Variants in KIF16B observed in about 807,000 individuals in gnomAD.
KIF16B encodes the protein kinesin-like protein KIF16B.
Under a neutral mutation model 156.3 loss-of-function variants are expected in KIF16B, and 98 were observed. The ratio of observed to expected loss-of-function variants is 0.63; its 90% CI spans 0.53 to 0.74. The LOEUF (loss-of-function observed/expected upper bound fraction) is 0.74, where lower values mean the gene tolerates loss of function less well. Ranked by LOEUF, KIF16B falls within the 30% of genes least tolerant of loss-of-function variation. The pLI is 0.00. For missense variants in KIF16B, 1,421 were observed against 1,606.5 expected (o/e 0.88, Z 1.97); for synonymous variants, 564 against 583.7 (o/e 0.97, Z 0.49).
intron 12 of KIF16B, among the ~76,000 whole-genome samples, chr20:16,485,243 T>C (rs2068082989): frequency 1.3e-5 from 2 of 152,118 alleles, no homozygotes; most frequent in Non-Finnish European, 2.9e-5. Context: ...CTCCAGGGCA[T>C]GAGTGAAGGC....
intron 15 of KIF16B, among the ~76,000 whole-genome samples, chr20:16,411,573 ATAAG>A (rs2065956439): frequency 6.6e-6 from 1 of 152,156 alleles, no homozygotes; most frequent in Non-Finnish European, 1.5e-5. Context: ...AGAGCAGAGA[ATAAG>A]TAAGAAAAAA....
At position 16,273,245 on chromosome 20, in the gene KIF16B, C is replaced by T; in HGVS notation, c.*8G>A. On this transcript the variant is annotated 3_prime_UTR_variant, in exon 26 of 26. Coordinates refer to ENST00000354981, the MANE Select transcript of KIF16B (RefSeq NM_024704.5). The stretch of plus-strand genomic sequence containing the variant: ...ACTGCTGTGGTGGTTCCTCCATCAC[C>T]CCTGGCTCTACCCCGTCCCGTGGCT... 2 of 1,613,406 alleles carry T rather than the reference C, an allele frequency of 1.2e-6. No individual in the cohort carries two copies. Among genetic ancestry groups the T allele is most frequent in the Non-Finnish European group, 1.7e-6 (2 of 1,179,496 alleles).
At chr20:16,419,951 T>A (rs941107471) in intron 15 of KIF16B, among the ~76,000 whole-genome samples, 1 of 152,116 alleles carries the variant, frequency 6.6e-6, no homozygotes, top group Non-Finnish European at 1.5e-5. Flanking sequence ...AAATTCACAT[T>A]TTCTTCTTGG....
intron 25 of KIF16B, among the ~76,000 whole-genome samples, chr20:16,291,365 G>C (rs2063312677): frequency 6.6e-6 from 1 of 152,206 alleles, no homozygotes; most frequent in Non-Finnish European, 1.5e-5. Flanking sequence ...AAAAAATGAA[G>C]AATGGTGTTG....
At chr20:16,309,128 T>C (rs2063582689) in intron 25 of KIF16B, among the ~76,000 whole-genome samples, 1 of 152,234 alleles carries the variant, frequency 6.6e-6, no homozygotes, top group Non-Finnish European at 1.5e-5. Flanking sequence ...AAAGATTCTA[T>C]AGTTCTTTTT....
chr20:16,405,717 C>T (rs532817786), intron 16 of KIF16B, among the ~76,000 whole-genome samples: 56 of 152,240 alleles, frequency 3.7e-4, no homozygotes, highest in Admixed American at 1.4e-3. Context: ...GGGGTATTAA[C>T]GGCTGCTGCA....
In KIF16B at chr20:16,359,270, T is replaced by G. The variant is rs6131815; in HGVS notation, c.3499-2818A>C. Among the ~76,000 whole-genome samples the G allele has an allele frequency of 2.6e-5, 4 of 151,996 alleles. No individual in the cohort carries two copies. In the South Asian group the frequency reaches 6.2e-4, roughly 24 times the overall value. ...TTGGGTCACACGGGTGGATCCCTTA[T>G]GGCTTGGTGCAGTCTTTGTGATAAT... is the stretch of plus-strand genomic sequence containing the variant. On this transcript the variant is annotated intron_variant, in intron 22 of 25. Coordinates refer to ENST00000354981, the MANE Select transcript of KIF16B (RefSeq NM_024704.5).
chr20:16,550,547 T>C (rs1324851513), intron 1 of KIF16B, among the ~76,000 whole-genome samples: 1 of 149,118 alleles, frequency 6.7e-6, no homozygotes, highest in Non-Finnish European at 1.5e-5. Context: ...TTTTTTTTTT[T>C]TTTTGACACA....
At chr20:16,321,270 T>C (rs2063769000) in intron 24 of KIF16B, among the ~76,000 whole-genome samples, 2 of 152,132 alleles carry the variant, frequency 1.3e-5, no homozygotes, top group Non-Finnish European at 2.9e-5. Flanking sequence ...TTTTTATAAA[T>C]GAACATGCAT....
At chr20:16,489,325 C>T (rs2068217031) in intron 12 of KIF16B, among the ~76,000 whole-genome samples, 1 of 152,096 alleles carries the variant, frequency 6.6e-6, no homozygotes, top group South Asian at 2.1e-4. Flanking sequence ...AAAAGGGCGG[C>T]CCACAGGGGT....
intron 17 of KIF16B, among the ~76,000 whole-genome samples, chr20:16,387,964 A>G (rs1466342735): frequency 6.6e-6 from 1 of 152,252 alleles, no homozygotes; most frequent in Admixed American, 6.5e-5. Flanking sequence ...ACTGTAAAGT[A>G]CTGAGTCAGA....
At chr20:16,511,571 A>C (rs779244320) in intron 5 of KIF16B, 44 bp from the exon 6 acceptor site, 2 of 1,282,062 alleles carry the variant, frequency 1.6e-6, no homozygotes, top group Non-Finnish European at 2.3e-6. Context: ...ATGATTTCAG[A>C]CATTAATATC....
At chr20:16,515,447 C>T (rs549260579) in intron 4 of KIF16B, 101 bp downstream of exon 4, 2 of 636,786 alleles carry the variant, frequency 3.1e-6, no homozygotes, top group South Asian at 4.4e-5. Flanking sequence ...ATAATCAGAA[C>T]ATGAAAAGTT....
intron 17 of KIF16B, among the ~76,000 whole-genome samples, chr20:16,393,421 C>T (rs1420203299): frequency 6.6e-6 from 1 of 152,176 alleles, no homozygotes; most frequent in Admixed American, 6.5e-5. Context: ...ACAATGATGA[C>T]AATTAACCTT....
intron 25 of KIF16B, among the ~76,000 whole-genome samples, chr20:16,282,770 C>T (rs1210036461): frequency 6.6e-6 from 1 of 152,130 alleles, no homozygotes; most frequent in Non-Finnish European, 1.5e-5. Flanking sequence ...AGTCCCCATG[C>T]TGGGGGCCCT....
At chr20:16,334,253 G>A (rs975373071) in intron 24 of KIF16B, among the ~76,000 whole-genome samples, 3 of 152,170 alleles carry the variant, frequency 2.0e-5, no homozygotes, top group South Asian at 4.1e-4. Context: ...AAATCCGTCC[G>A]TTATTAAAAT....
chr20:16,371,729 C>A lies in KIF16B; in HGVS notation c.3383G>T (p.Arg1128Ile). 6.2e-7 allele frequency: 1 copy of A among 1,613,852 alleles called. No individual in the cohort carries two copies. ...CACACGATGCAAATCCTGAAGGCGT[C>A]TTTGGACTTCTTCTTCAATGTAAGC... ...INAYIEEEVQ[R>I]RLQDLHRVIS... is the part of the protein sequence containing the mutation. Residue 1128 changes from arginine (R) to isoleucine (I), a missense_variant, in exon 21 of 26, where the codon AGA (arginine) becomes ATA (isoleucine). By Grantham distance (97) the Arg-to-Ile change is moderately conservative. Transcript: ENST00000354981.
intron 12 of KIF16B, among the ~76,000 whole-genome samples, chr20:16,475,362 A>C (rs2146791885): frequency 6.6e-6 from 1 of 152,242 alleles, no homozygotes; most frequent in Admixed American, 6.5e-5. Flanking sequence ...ACCCAAGGTC[A>C]TACAGCCAGC....
At chr20:16,557,250 G>C (rs1276452951) in intron 1 of KIF16B, among the ~76,000 whole-genome samples, 1 of 151,460 alleles carries the variant, frequency 6.6e-6, no homozygotes, top group East Asian at 1.9e-4. Flanking sequence ...GCGCAATCTC[G>C]GCTCACTGCA....
Sources: gnomAD v4.1 joint callset for allele counts (sites outside exome capture counted in the v4.1 genomes callset) on GRCh38, gnomAD v4.1.1 for gene constraint, MANE v1.5 for transcripts, NCBI Gene and HGNC (gene_info 2026-07-23, HGNC 2026-07-21) for gene names.